Variants in CHL1 observed in about 807,000 individuals in gnomAD.
CHL1 encodes neural cell adhesion molecule L1-like protein.
A neutral mutation model predicts 141.9 loss-of-function variants in CHL1; 96 were observed. The ratio of observed to expected loss-of-function variants is 0.68; its 90% CI spans 0.57 to 0.80. CHL1 has a LOEUF of 0.80. CHL1 is among the 30% of genes least tolerant of loss of function. The pLI, the probability that CHL1 is intolerant of heterozygous loss-of-function variation, is 0.00. For missense variants in CHL1, 1,820 were observed against 1,457.2 expected, an observed-to-expected ratio of 1.25 and a Z score of -4.05; for synonymous variants, 613 against 502.2, an observed-to-expected ratio of 1.22 and a Z score of -2.95.
At chr3:314,323 CTATGTGTA>C (rs1699989137) in intron 2 of CHL1, among the ~76,000 whole-genome samples, 2 of 60,160 alleles carry the variant, frequency 3.3e-5, no homozygotes, top group South Asian at 6.3e-4. Flanking sequence ...CTCTCTCTCT[CTATGTGTA>C]TATATATATA....
chr3:392,196 G>A lies in CHL1; in HGVS notation c.2914+399G>A, dbSNP rs150978091. On this transcript the variant is annotated intron_variant, in intron 23 of 27. Coordinates refer to ENST00000256509, the MANE Select transcript of CHL1 (RefSeq NM_006614.4). The stretch of plus-strand genomic sequence containing the variant: ...TGGGTACACAAAACACGTGTTTAAT[G>A]TTTATATATAAGATGTTTGGAGAAG... Among the ~76,000 whole-genome samples, 537 of 152,292 alleles carry A rather than the reference G, an allele frequency of 3.5e-3. 3 individuals are homozygous for A. Among genetic ancestry groups the A allele is most frequent in the Non-Finnish European group, 6.1e-3 (417 of 68,016 alleles).
At chr3:382,307 C>A in intron 17 of CHL1, 27 bp downstream of exon 17, 1 of 1,588,758 alleles carries the variant, frequency 6.3e-7, no homozygotes, top group South Asian at 1.1e-5. Flanking sequence ...TAACTGTTTT[C>A]ATTACTCTAG....
At chr3:265,824 T>A (rs1695101200) in intron 2 of CHL1, among the ~76,000 whole-genome samples, 1 of 152,200 alleles carries the variant, frequency 6.6e-6, no homozygotes, top group Non-Finnish European at 1.5e-5. Context: ...TAAATTGGGA[T>A]AATCAACCTC....
chr3:244,168 T>A (rs73090662), intron 1 of CHL1, among the ~76,000 whole-genome samples: 7,269 of 152,270 alleles, frequency 0.048, 562 homozygotes, highest in African/African-American at 0.17. Context: ...TTTCAATGCT[T>A]CCTGACGAAG....
At chr3:240,826 A>T (rs180734834) in intron 1 of CHL1, among the ~76,000 whole-genome samples, 12 of 151,066 alleles carry the variant, frequency 7.9e-5, no homozygotes, top group African/African-American at 2.7e-4. Context: ...CTTGCGAATT[A>T]TCGCAGCATC....
intron 2 of CHL1, among the ~76,000 whole-genome samples, chr3:283,685 G>T (rs1282697853): frequency 6.6e-6 from 1 of 152,132 alleles, no homozygotes; most frequent in Non-Finnish European, 1.5e-5. Context: ...ATCATTCATT[G>T]TGTGGGTAAC....
intron 2 of CHL1, among the ~76,000 whole-genome samples, chr3:312,018 A>G (rs989698906): frequency 6.6e-6 from 1 of 152,316 alleles, no homozygotes; most frequent in South Asian, 2.1e-4. Context: ...TAAGAATCTT[A>G]CATGTATAGG....
At chr3:353,028 C>T (rs1703395650) in intron 10 of CHL1, among the ~76,000 whole-genome samples, 1 of 152,166 alleles carries the variant, frequency 6.6e-6, no homozygotes, top group African/African-American at 2.4e-5. Flanking sequence ...TGCTGGTGGG[C>T]CTGGGCAAGT....
At chr3:297,494 A>C (rs78976188) in intron 2 of CHL1, among the ~76,000 whole-genome samples, 1,822 of 152,342 alleles carry the variant, frequency 0.012, 36 homozygotes, top group African/African-American at 0.042. Context: ...AATGTCTTTC[A>C]ATAGGATATG....
chr3:394,668 C>T (rs776092399), intron 23 of CHL1, 25 bp from the exon 24 acceptor site: 2 of 1,525,566 alleles, frequency 1.3e-6, no homozygotes, highest in African/African-American at 2.8e-5. Context: ...TACATTTGAG[C>T]TGTTGTTCAT....
intron 23 of CHL1, among the ~76,000 whole-genome samples, chr3:394,455 T>G (rs1708497491): frequency 1.3e-5 from 2 of 152,180 alleles, no homozygotes; most frequent in African/African-American, 4.8e-5. Flanking sequence ...CAAATCCCAG[T>G]CTGCAAATTT....
At chr3:311,468 C>T (rs923230422) in intron 2 of CHL1, among the ~76,000 whole-genome samples, 1 of 151,434 alleles carries the variant, frequency 6.6e-6, no homozygotes, top group Non-Finnish European at 1.5e-5. Context: ...CAGGACTGTG[C>T]TGAGCCCTGC....
chr3:376,456 G>A (rs536237895), intron 15 of CHL1: 4 of 509,006 alleles, frequency 7.9e-6, no homozygotes, highest in African/African-American at 3.9e-5. Context: ...ACATTTCGAG[G>A]ACTAGTGAGG....
intron 19 of CHL1, among the ~76,000 whole-genome samples, chr3:385,468 T>C (rs1218166644): frequency 6.6e-6 from 1 of 152,202 alleles, no homozygotes; most frequent in Non-Finnish European, 1.5e-5. Flanking sequence ...AAGTCATTTT[T>C]TATTACCCCA....
chr3:402,172 A>G (rs1381999852), intron 27 of CHL1, among the ~76,000 whole-genome samples: 1 of 152,272 alleles, frequency 6.6e-6, no homozygotes, highest in African/African-American at 2.4e-5. Context: ...AATAGAATAA[A>G]AGAGCACAAA....
At chr3:225,111 G>T (rs920255439) in intron 1 of CHL1, among the ~76,000 whole-genome samples, 1 of 152,196 alleles carries the variant, frequency 6.6e-6, no homozygotes, top group Admixed American at 6.6e-5. Flanking sequence ...TCCAGCCTGA[G>T]TGACAGAGTG....
chr3:206,193 G>A (rs1401157411), intron 1 of CHL1, among the ~76,000 whole-genome samples: 1 of 152,118 alleles, frequency 6.6e-6, no homozygotes, highest in Non-Finnish European at 1.5e-5. Context: ...ACCTGCCAGA[G>A]GTGGTGGTGC....
In CHL1 at chr3:324,830, C is replaced by T. The variant is rs6802745; in HGVS notation, c.92-1129C>T. On this transcript the variant is annotated intron_variant, in intron 3 of 27. Coordinates refer to ENST00000256509, the MANE Select transcript of CHL1 (RefSeq NM_006614.4). ...TTCTTGAACTCCTGGGCTTAAGTGA[C>T]CTTCCCACCTCAGCCACCCAAAGTG... 5.4e-3 allele frequency among the ~76,000 whole-genome samples: 815 copies of T among 151,838 alleles called. 3 individuals are homozygous for T. The highest frequency in any genetic ancestry group is 0.019 in the African/African-American group (774 of 41,420).
At chr3:333,422 G>A (rs569118136) in intron 5 of CHL1, among the ~76,000 whole-genome samples, 4 of 151,924 alleles carry the variant, frequency 2.6e-5, no homozygotes, top group Admixed American at 2.6e-4. Context: ...TCAATCTCCT[G>A]TTAACAAACA....
Sources: allele counts gnomAD v4.1 joint callset (sites outside exome capture counted in the v4.1 genomes callset), GRCh38; gene constraint gnomAD v4.1.1; transcripts MANE v1.5; gene names NCBI Gene and HGNC (gene_info 2026-07-23, HGNC 2026-07-21).